CADPS2: variants seen among roughly 807,000 people sequenced by gnomAD.
The protein encoded by CADPS2 is calcium-dependent secretion activator 2.
Under a neutral mutation model 172.5 loss-of-function variants are expected in CADPS2, and 93 were observed. The ratio of observed to expected loss-of-function variants is 0.54; its 90% confidence interval spans 0.46 to 0.64. The LOEUF is 0.64. Among genes scored for constraint, CADPS2 ranks in the 30% least tolerant of loss-of-function variants. CADPS2 has a pLI of 0.00. For missense variants in CADPS2, 1,420 were observed against 1,565.9 expected, an observed-to-expected ratio of 0.91 and a Z score of 1.57; for synonymous variants, 546 against 555.2, an observed-to-expected ratio of 0.98 and a Z score of 0.23.
chr7:122,322,832 G>A (rs1392714550), intron 29 of CADPS2, among the ~76,000 whole-genome samples: 1 of 152,066 alleles, frequency 6.6e-6, no homozygotes, highest in Non-Finnish European at 1.5e-5. Flanking sequence ...AAATTTTGAT[G>A]GCATCTAGGT....
intron 2 of CADPS2, chr7:122,698,364 G>T: frequency 2.5e-6 from 4 of 1,613,746 alleles, no homozygotes; most frequent in Non-Finnish European, 3.4e-6. Context: ...GATTCATCCA[G>T]ATGATGTGCT....
chr7:122,845,110 G>C (rs1811628224), intron 1 of CADPS2, among the ~76,000 whole-genome samples: 1 of 152,096 alleles, frequency 6.6e-6, no homozygotes, highest in Non-Finnish European at 1.5e-5. Context: ...AGAAATGAGG[G>C]AGAAGAGGGG....
At chr7:122,687,314 A>G (rs915181118) in intron 2 of CADPS2, among the ~76,000 whole-genome samples, 1 of 152,138 alleles carries the variant, frequency 6.6e-6, no homozygotes, top group Non-Finnish European at 1.5e-5. Flanking sequence ...AGCACTCCCA[A>G]TGCCTTTAGC....
intron 17 of CADPS2, 137 bp downstream of exon 17, chr7:122,438,204 G>T: frequency 1.9e-6 from 2 of 1,075,920 alleles, no homozygotes; most frequent in Middle Eastern, 2.2e-4. Context: ...CAGTTCACCA[G>T]CTGAGATTTT....
At chr7:122,722,953 G>C (rs1473391384) in intron 2 of CADPS2, among the ~76,000 whole-genome samples, 1 of 151,996 alleles carries the variant, frequency 6.6e-6, no homozygotes, top group Non-Finnish European at 1.5e-5. Context: ...TTAATAAATG[G>C]TGTTGGGAAA....
rs930268397 is a variant in CADPS2 at position 122,723,974 on chromosome 7, A to G, written c.453+12981T>C. ...GTTCTCACTCATAGGTGAGAACTGA[A>G]CAATGAGAACACATGGACACAGGAA... On this transcript the variant is annotated intron_variant, in intron 2 of 29. Transcript: ENST00000449022. Among the ~76,000 whole-genome samples, 9 of 149,334 alleles carry G rather than the reference A, an allele frequency of 6.0e-5. 1 individual carries two copies. Among genetic ancestry groups the G allele is most frequent in the Admixed American group, 4.7e-4 (7 of 14,958 alleles).
chr7:122,532,282 A>T (rs186219000), intron 8 of CADPS2, among the ~76,000 whole-genome samples: 10 of 152,286 alleles, frequency 6.6e-5, no homozygotes, highest in African/African-American at 2.2e-4. Context: ...GGGCAAAAAA[A>T]TTACCTTAAG....
intron 3 of CADPS2, among the ~76,000 whole-genome samples, chr7:122,648,841 A>G (rs2078836153): frequency 6.6e-6 from 1 of 152,196 alleles, no homozygotes. Context: ...TTCATAGGCA[A>G]CACAGAGGTA....
At chr7:122,828,091 T>C (rs988536605) in intron 1 of CADPS2, among the ~76,000 whole-genome samples, 1 of 152,220 alleles carries the variant, frequency 6.6e-6, no homozygotes, top group Non-Finnish European at 1.5e-5. Flanking sequence ...GCACTGTTGT[T>C]TGATACATAT....
chr7:122,707,876 T>C (rs746490190), intron 2 of CADPS2, among the ~76,000 whole-genome samples: 2 of 151,710 alleles, frequency 1.3e-5, no homozygotes, highest in African/African-American at 4.8e-5. Flanking sequence ...AAAAACTTCA[T>C]AGTTTCATGT....
At chr7:122,543,646 A>G (rs1463765067) in intron 8 of CADPS2, among the ~76,000 whole-genome samples, 1 of 152,150 alleles carries the variant, frequency 6.6e-6, no homozygotes, top group African/African-American at 2.4e-5. Context: ...GGGAGTATTC[A>G]AGATTATCTG....
At chr7:122,552,289 C>T (rs2064397435) in intron 8 of CADPS2, among the ~76,000 whole-genome samples, 1 of 152,148 alleles carries the variant, frequency 6.6e-6, no homozygotes, top group African/African-American at 2.4e-5. Flanking sequence ...ATGTATACAT[C>T]AGAAACTGAA....
intron 2 of CADPS2, chr7:122,702,788 C>G (rs773741041): frequency 7.0e-7 from 1 of 1,424,814 alleles, no homozygotes; most frequent in Non-Finnish European, 9.5e-7. Flanking sequence ...CATGAGAAAA[C>G]AAAACAACAT....
chr7:122,829,977 G>A (rs140581870), intron 1 of CADPS2, among the ~76,000 whole-genome samples: 354 of 151,662 alleles, frequency 2.3e-3, no homozygotes, highest in African/African-American at 8.3e-3. Flanking sequence ...AAAATGAGGT[G>A]TACTATATAA....
intron 7 of CADPS2, among the ~76,000 whole-genome samples, chr7:122,566,218 C>G (rs749952907): frequency 1.5e-4 from 23 of 151,894 alleles, no homozygotes; most frequent in Admixed American, 5.3e-4. Context: ...ATGGCTATTA[C>G]CAACAAGATA....
intron 17 of CADPS2, among the ~76,000 whole-genome samples, chr7:122,419,943 T>C (rs2048353388): frequency 6.6e-6 from 1 of 152,160 alleles, no homozygotes; most frequent in Non-Finnish European, 1.5e-5. Flanking sequence ...TTTAAATCAC[T>C]GAAGTATATA....
At chr7:122,742,182 G>A (rs1226458483) in intron 1 of CADPS2, among the ~76,000 whole-genome samples, 1 of 152,050 alleles carries the variant, frequency 6.6e-6, no homozygotes, top group Non-Finnish European at 1.5e-5. Flanking sequence ...CCTGAGGTCA[G>A]GAGTTCGAGA....
intron 1 of CADPS2, among the ~76,000 whole-genome samples, chr7:122,858,153 T>G (rs530880572): frequency 7.2e-5 from 11 of 152,206 alleles, no homozygotes; most frequent in African/African-American, 2.2e-4. Flanking sequence ...CCATTTTACA[T>G]AGTGCCAATT....
chr7:122,816,271 C>A (rs1188614234), intron 1 of CADPS2, among the ~76,000 whole-genome samples: 1 of 148,362 alleles, frequency 6.7e-6, no homozygotes, highest in Non-Finnish European at 1.5e-5. Flanking sequence ...TTTTTAGCTC[C>A]CAAATATGAG....
Sources: gnomAD v4.1 joint callset for allele counts (sites outside exome capture counted in the v4.1 genomes callset) on GRCh38, gnomAD v4.1.1 for gene constraint, MANE v1.5 for transcripts, NCBI Gene and HGNC (gene_info 2026-07-23, HGNC 2026-07-21) for gene names.